Variants in HECW1 observed in about 807,000 individuals in gnomAD.
HECW1 encodes HECT, C2 and WW domain containing E3 ubiquitin protein ligase 1, also known as E3 ubiquitin-protein ligase HECW1.
A neutral mutation model predicts 182.3 loss-of-function variants in HECW1; 61 were observed. The ratio of observed to expected loss-of-function variants is 0.33; its 90% CI spans 0.27 to 0.41. HECW1 has a LOEUF of 0.41. Among genes scored for constraint, HECW1 ranks in the 10% least tolerant of loss-of-function variants. HECW1 has a pLI of 1.00. For missense variants in HECW1, 1,739 were observed against 2,108.9 expected, an observed-to-expected ratio of 0.82 and a Z score of 3.44; for synonymous variants, 859 against 832.6, an observed-to-expected ratio of 1.03 and a Z score of -0.55.
chr7:43,145,153 C>A (rs1788563145), intron 2 of HECW1, among the ~76,000 whole-genome samples: 1 of 151,988 alleles, frequency 6.6e-6, no homozygotes, highest in Non-Finnish European at 1.5e-5. Flanking sequence ...GGTATTTTTC[C>A]TTATCTTTTG....
At chr7:43,186,866 T>C (rs774369191) in intron 2 of HECW1, among the ~76,000 whole-genome samples, 7 of 152,220 alleles carry the variant, frequency 4.6e-5, no homozygotes, top group Admixed American at 1.3e-4. Context: ...AGGTGTGTCT[T>C]AGGCTGAACC....
intron 3 of HECW1, among the ~76,000 whole-genome samples, chr7:43,280,669 C>T (rs1344370778): frequency 2.6e-5 from 4 of 152,216 alleles, no homozygotes; most frequent in Non-Finnish European, 4.4e-5. Context: ...AAAGCCAGCA[C>T]CCCGTTTCTG....
At chr7:43,141,986 T>A (rs1455311827) in intron 2 of HECW1, among the ~76,000 whole-genome samples, 1 of 152,196 alleles carries the variant, frequency 6.6e-6, no homozygotes, top group Non-Finnish European at 1.5e-5. Flanking sequence ...GACCTCAAAG[T>A]TCTATTCCTC....
chr7:43,150,145 A>G (rs1789141002), intron 2 of HECW1, among the ~76,000 whole-genome samples: 1 of 152,224 alleles, frequency 6.6e-6, no homozygotes. Flanking sequence ...TGTTCTGCCC[A>G]ATAACCCTAT....
chr7:43,232,709 A>T (rs1797992409), intron 2 of HECW1, among the ~76,000 whole-genome samples: 1 of 152,160 alleles, frequency 6.6e-6, no homozygotes, highest in Non-Finnish European at 1.5e-5. Context: ...ATCACATTTA[A>T]TTGGCCAAAG....
intron 10 of HECW1, among the ~76,000 whole-genome samples, 175 bp downstream of exon 10, chr7:43,442,804 C>T (rs1230287097): frequency 6.6e-6 from 1 of 152,200 alleles, no homozygotes; most frequent in East Asian, 1.9e-4. Flanking sequence ...TTGCTGTCCC[C>T]CTGATAGAGA....
intron 6 of HECW1, among the ~76,000 whole-genome samples, chr7:43,361,716 C>T (rs1815932783): frequency 6.6e-6 from 1 of 151,526 alleles, no homozygotes; most frequent in East Asian, 1.9e-4. Context: ...AATGGCATTC[C>T]TTTTCCTTTT....
At chr7:43,199,153 G>T (rs956538205) in intron 2 of HECW1, among the ~76,000 whole-genome samples, 1 of 152,216 alleles carries the variant, frequency 6.6e-6, no homozygotes, top group Non-Finnish European at 1.5e-5. Context: ...TCAGGGAACA[G>T]CCTCTGTGCT....
chr7:43,356,612 A>G (rs921775446), intron 5 of HECW1, among the ~76,000 whole-genome samples: 2 of 152,242 alleles, frequency 1.3e-5, no homozygotes, highest in African/African-American at 2.4e-5. Flanking sequence ...CAACACATGG[A>G]ACATTCTTCA....
In HECW1 at chr7:43,320,969, A is replaced by G. The variant is rs894193983; in HGVS notation, c.460+227A>G. On this transcript the variant is annotated intron_variant, in intron 5 of 29. Transcript: ENST00000395891. Reference sequence around the variant, plus strand: ...CCCAGAGGGCTGCCCCTTTAATACCAAGAAAGAGTTGGTTCCTATTCATAA... The same window carrying G: ...CCCAGAGGGCTGCCCCTTTAATACCGAGAAAGAGTTGGTTCCTATTCATAA... 7.9e-5 allele frequency among the ~76,000 whole-genome samples: 12 copies of G among 152,222 alleles called. No individual in the cohort carries two copies. In the East Asian group the frequency reaches 2.3e-3, roughly 29 times the overall value.
At chr7:43,288,256 A>G (rs1036322977) in intron 3 of HECW1, among the ~76,000 whole-genome samples, 6 of 152,240 alleles carry the variant, frequency 3.9e-5, no homozygotes, top group Non-Finnish European at 2.9e-5. Flanking sequence ...TGTAGGTAGT[A>G]GAGTCACAGG....
chr7:43,120,268 C>T (rs1785458245), intron 2 of HECW1, among the ~76,000 whole-genome samples: 1 of 152,312 alleles, frequency 6.6e-6, no homozygotes, highest in African/African-American at 2.4e-5. Flanking sequence ...GACGGTCCCC[C>T]AGCCACCTGC....
chr7:43,480,613 G>C (rs1301368617), intron 17 of HECW1, among the ~76,000 whole-genome samples: 1 of 150,676 alleles, frequency 6.6e-6, no homozygotes, highest in Non-Finnish European at 1.5e-5. Context: ...GAGTGAGTTT[G>C]TGTGTGTGTG....
chr7:43,189,109 T>A (rs182391321), intron 2 of HECW1, among the ~76,000 whole-genome samples: 1 of 152,316 alleles, frequency 6.6e-6, no homozygotes, highest in African/African-American at 2.4e-5. Context: ...CCCAAGCTTG[T>A]TTATGCCAGT....
rs898728738 is a variant in HECW1, at chr7:43,482,891, C to T, written c.3234+3147C>T. ...CTGCACTCCAGCCTAGGCAACAGTGCAAGACTCTGTCTCAACAAAACAAAA... is the reference window on the plus strand; with the variant it reads ...CTGCACTCCAGCCTAGGCAACAGTGTAAGACTCTGTCTCAACAAAACAAAA... On this transcript the variant is annotated intron_variant, in intron 17 of 29. Coordinates refer to ENST00000395891, the MANE Select transcript of HECW1 (RefSeq NM_015052.5). Among the ~76,000 whole-genome samples, 4 of 152,056 alleles carry T rather than the reference C, an allele frequency of 2.6e-5. No homozygotes were observed. In the East Asian group the frequency reaches 5.8e-4, roughly 22 times the overall value.
At chr7:43,224,556 C>G (rs961852353) in intron 2 of HECW1, among the ~76,000 whole-genome samples, 5 of 152,232 alleles carry the variant, frequency 3.3e-5, no homozygotes, top group African/African-American at 2.4e-5. Flanking sequence ...CGCAGTGGCT[C>G]ACGCCTGTAA....
intron 6 of HECW1, among the ~76,000 whole-genome samples, chr7:43,378,748 A>G (rs1159240626): frequency 1.3e-5 from 2 of 152,152 alleles, no homozygotes; most frequent in East Asian, 1.9e-4. Context: ...AGAGGTTGCC[A>G]TGAACTGAGA....
chr7:43,350,708 G>A (rs1814318189), intron 5 of HECW1, among the ~76,000 whole-genome samples: 1 of 152,134 alleles, frequency 6.6e-6, no homozygotes, highest in South Asian at 2.1e-4. Flanking sequence ...AAAGTTTCCT[G>A]AATTGTTTAT....
intron 3 of HECW1, among the ~76,000 whole-genome samples, chr7:43,291,702 T>C (rs1805426846): frequency 6.6e-6 from 1 of 152,218 alleles, no homozygotes; most frequent in African/African-American, 2.4e-5. Context: ...TTATGAATTC[T>C]TAGCTGGGAC....
Sources: allele counts gnomAD v4.1 joint callset (sites outside exome capture counted in the v4.1 genomes callset), GRCh38; gene constraint gnomAD v4.1.1; transcripts MANE v1.5; gene names NCBI Gene and HGNC (gene_info 2026-07-23, HGNC 2026-07-21).